The following TLR6 variants were observed in gnomAD, a reference collection of about 807,000 sequenced individuals.
TLR6 encodes toll like receptor 6, also known as toll-like receptor 6.
Under a neutral mutation model 16.1 loss-of-function variants are expected in TLR6, and 9 were observed. The observed-to-expected ratio is 0.56, with a 90% CI of 0.34 to 0.98. TLR6 has a LOEUF of 0.98. Ranked by LOEUF, TLR6 falls within the 50% of genes least tolerant of loss-of-function variation. The pLI is 0.02. For missense variants in TLR6, 786 were observed against 921.0 expected (o/e 0.85, Z 1.90); for synonymous variants, 340 against 338.6 (o/e 1.00, Z -0.04).
At chr4:38,828,242 C>G (rs1395939567) in exon 2 of TLR6, 3 of 1,613,502 alleles carry the variant, frequency 1.9e-6, no homozygotes, top group Non-Finnish European at 2.5e-6. Context: ...AGAATTCCAG[C>G]TAACATCCAG....
intron 1 of TLR6, among the ~76,000 whole-genome samples, chr4:38,843,432 A>G (rs1433232783): frequency 2.6e-5 from 4 of 152,376 alleles, no homozygotes; most frequent in East Asian, 1.9e-4. Flanking sequence ...ACTTTTCACC[A>G]TCAGGGGATA....
intron 1 of TLR6, among the ~76,000 whole-genome samples, chr4:38,847,718 T>C (rs7683616): frequency 0.031 from 4,752 of 152,284 alleles, 217 homozygotes; most frequent in African/African-American, 0.087. Flanking sequence ...AACTGCAAGG[T>C]GGCAGTGAGG....
At chr4:38,840,440 T>A (rs1712198703) in intron 1 of TLR6, among the ~76,000 whole-genome samples, 1 of 151,960 alleles carries the variant, frequency 6.6e-6, no homozygotes, top group African/African-American at 2.4e-5. Context: ...GAGACCTGCC[T>A]GGCCAATATG....
chr4:38,867,865 C>A, the TLR6 span: 1 of 173,832 alleles, frequency 5.8e-6, no homozygotes, highest in African/African-American at 2.4e-5. Context: ...GTCCCCATCC[C>A]CTTCCCCGGG....
At chr4:38,863,595 T>TA in the TLR6 span, among the ~76,000 whole-genome samples, 8 of 152,234 alleles carry the variant, frequency 5.3e-5, no homozygotes, top group South Asian at 1.7e-3. Flanking sequence ...TAGTGCAGAC[T>TA]AAAATCCTTG....
At chr4:38,846,301 T>C (rs1448567997) in intron 1 of TLR6, among the ~76,000 whole-genome samples, 1 of 151,942 alleles carries the variant, frequency 6.6e-6, no homozygotes. Context: ...AATACTCAAC[T>C]AAACAGAAAT....
downstream of TLR6, chr4:38,823,587 T>C (rs569071027): frequency 1.7e-4 from 26 of 152,344 alleles, no homozygotes; most frequent in African/African-American, 5.8e-4. Context: ...ACTTACCAAA[T>C]TGTGGCATTG....
the TLR6 span, among the ~76,000 whole-genome samples, chr4:38,864,740 GGTGGCTCACACCT>G: frequency 1.5e-4 from 23 of 152,236 alleles, no homozygotes; most frequent in Non-Finnish European, 8.8e-5. Context: ...GGCTGTGCAT[GGTGGCTCACACCT>G]GTAGTCCCAG....
In TLR6 at chr4:38,836,414, C is replaced by T. The variant is rs148352190; in HGVS notation, c.-64-6877G>A. ...TAAATTTCTGGATATATACAACCTA[C>T]CAAATTTGAGCCTGGAAGAAATAGA... is the stretch of plus-strand genomic sequence containing the variant. On this transcript the variant is annotated intron_variant, in intron 1 of 1. Transcript: ENST00000436693. 1.2e-4 allele frequency among the ~76,000 whole-genome samples: 18 copies of T among 152,178 alleles called. No individual in the cohort carries two copies. The East Asian group carries it at 3.3e-3, about 28-fold the overall frequency.
At chr4:38,844,142 A>G (rs1317314597) in intron 1 of TLR6, among the ~76,000 whole-genome samples, 2 of 152,198 alleles carry the variant, frequency 1.3e-5, no homozygotes, top group African/African-American at 2.4e-5. Flanking sequence ...AGAGCTGGAC[A>G]TGGGGCAGGG....
At chr4:38,846,953 G>C (rs1388362339) in intron 1 of TLR6, among the ~76,000 whole-genome samples, 1 of 152,118 alleles carries the variant, frequency 6.6e-6, no homozygotes, top group Non-Finnish European at 1.5e-5. Flanking sequence ...ATGGGGAAGG[G>C]ATAGAGCTCA....
chr4:38,862,756 C>G, the TLR6 span, among the ~76,000 whole-genome samples: 1 of 151,624 alleles, frequency 6.6e-6, no homozygotes, highest in Non-Finnish European at 1.5e-5. Flanking sequence ...CCACCACGCC[C>G]AGTTAATTTT....
At chr4:38,860,352 G>C (rs1424978884), upstream of TLR6, among the ~76,000 whole-genome samples, 3 of 151,940 alleles carry the variant, frequency 2.0e-5, no homozygotes, top group Admixed American at 1.3e-4. Flanking sequence ...GGCGCCTGTA[G>C]TCCCAGCTAC....
rs746915900 is a variant in TLR6, at chr4:38,827,615, T to G, written c.1859A>C (p.Gln620Pro). ...GGCCCTGCGCCGAGTCTGGGTCCACTGGCACACCATCCTGAGATACCAGGG... is the reference window on the plus strand; with the variant it reads ...GGCCCTGCGCCGAGTCTGGGTCCACGGGCACACCATCCTGAGATACCAGGG... Residue 620 changes from glutamine to proline, a missense_variant, in exon 2 of 2, where the codon CAG (glutamine) becomes CCG (proline). Transcript: ENST00000436693. 15 of 1,614,116 alleles carry G rather than the reference T, an allele frequency of 9.3e-6. No individual in the cohort carries two copies. Among genetic ancestry groups the G allele is most frequent in the Admixed American group, 1.7e-5 (1 of 60,010 alleles).
exon 2 of TLR6, chr4:38,825,070 T>C (rs560763483): frequency 5.4e-4 from 83 of 152,398 alleles, no homozygotes; most frequent in African/African-American, 1.9e-3. Context: ...GTACTGGGAT[T>C]ATAGATGTGA....
chr4:38,834,972 T>A (rs1261607347), intron 1 of TLR6, among the ~76,000 whole-genome samples: 1 of 151,878 alleles, frequency 6.6e-6, no homozygotes, highest in East Asian at 1.9e-4. Context: ...GTAGAGCAAA[T>A]ACATAAATGA....
chr4:38,840,187 A>G (rs1341367299), intron 1 of TLR6, among the ~76,000 whole-genome samples: 1 of 152,216 alleles, frequency 6.6e-6, no homozygotes, highest in Non-Finnish European at 1.5e-5. Flanking sequence ...GGCAATGATG[A>G]AAAATTTAGT....
upstream of TLR6, among the ~76,000 whole-genome samples, chr4:38,860,389 T>C (rs1713168798): frequency 6.6e-6 from 1 of 152,030 alleles, no homozygotes; most frequent in Admixed American, 6.6e-5. Context: ...CGAGAATCAC[T>C]TGAACCCAGG....
At chr4:38,846,593 G>A (rs958232243) in intron 1 of TLR6, among the ~76,000 whole-genome samples, 4 of 152,098 alleles carry the variant, frequency 2.6e-5, no homozygotes, top group African/African-American at 9.7e-5. Flanking sequence ...AGGATGGAGA[G>A]TTTAAAAAGA....
Sources: allele counts gnomAD v4.1 joint callset (sites outside exome capture counted in the v4.1 genomes callset), GRCh38; gene constraint gnomAD v4.1.1; transcripts MANE v1.5; gene names NCBI Gene and HGNC (gene_info 2026-07-23, HGNC 2026-07-21).